Variants in FGF12 observed in about 807,000 individuals in gnomAD.
FGF12 encodes the protein fibroblast growth factor 12B.
A neutral mutation model predicts 23.6 loss-of-function variants in FGF12; 14 were observed. The observed-to-expected ratio is 0.59, with a 90% CI of 0.39 to 0.93. The LOEUF is 0.93. Ranked by LOEUF, FGF12 falls within the 40% of genes least tolerant of loss-of-function variation. The probability of loss-of-function intolerance (pLI) is 0.00; values close to 1 mark genes in which losing one functional copy is unlikely to be tolerated. For synonymous variants in FGF12, 62 were observed against 77.3 expected, an observed-to-expected ratio of 0.80 and a Z score of 1.04; for missense variants, 175 against 217.8, an observed-to-expected ratio of 0.80 and a Z score of 1.24.
chr3:192,154,097 T>A (rs1714205563), intron 5 of FGF12, among the ~76,000 whole-genome samples: 1 of 118,022 alleles, frequency 8.5e-6, no homozygotes, highest in African/African-American at 3.2e-5. Context: ...TTCTTCCAGT[T>A]GATCGCATCG....
chr3:192,462,536 C>G (rs1241280461), intron 2 of FGF12, among the ~76,000 whole-genome samples: 1 of 152,110 alleles, frequency 6.6e-6, no homozygotes. Flanking sequence ...TTTTGGACTT[C>G]TCAATCTCCA....
chr3:192,348,499 G>A (rs1020603996), intron 3 of FGF12, among the ~76,000 whole-genome samples: 3 of 151,966 alleles, frequency 2.0e-5, no homozygotes, highest in African/African-American at 7.3e-5. Flanking sequence ...TTTTAAATAC[G>A]TCAAACACAT....
At chr3:192,331,968 C>T (rs1054311089) in intron 4 of FGF12, among the ~76,000 whole-genome samples, 20 of 152,028 alleles carry the variant, frequency 1.3e-4, no homozygotes, top group African/African-American at 4.6e-4. Context: ...AGCAAGTTCA[C>T]CATCCGCACA....
chr3:192,419,545 G>A (rs1721457259), intron 2 of FGF12, among the ~76,000 whole-genome samples: 1 of 152,128 alleles, frequency 6.6e-6, no homozygotes, highest in Non-Finnish European at 1.5e-5. Context: ...CTCAAGATCA[G>A]GAGCAATACC....
rs1711972426 is a variant in FGF12 at position 192,251,032 on chromosome 3, T to C, written c.229-80376A>G. Among the ~76,000 whole-genome samples, 3 of 152,160 alleles carry C rather than the reference T, an allele frequency of 2.0e-5. No homozygotes were observed. In the South Asian group the frequency reaches 6.2e-4, roughly 32 times the overall value. ...CAAAATATACCATTGCCTATGATTG[T>C]GGGTTTTGGATAAGAAAAACTTACA... is the stretch of plus-strand genomic sequence containing the variant. On this transcript the variant is annotated intron_variant, in intron 4 of 5. Coordinates refer to ENST00000445105, the MANE Select transcript of FGF12 (RefSeq NM_004113.6).
intron 2 of FGF12, among the ~76,000 whole-genome samples, chr3:192,565,906 G>A (rs961432651): frequency 1.3e-5 from 2 of 152,130 alleles, no homozygotes; most frequent in Non-Finnish European, 2.9e-5. Flanking sequence ...GATCAACATG[G>A]AGAAACACTG....
At chr3:192,560,606 G>A (rs1711979853) in intron 2 of FGF12, among the ~76,000 whole-genome samples, 1 of 151,908 alleles carries the variant, frequency 6.6e-6, no homozygotes, top group Non-Finnish European at 1.5e-5. Context: ...TGAAAAGCGT[G>A]AATTAAAAAT....
intron 2 of FGF12, among the ~76,000 whole-genome samples, chr3:192,505,046 G>A (rs1176131847): frequency 1.3e-5 from 2 of 152,070 alleles, no homozygotes; most frequent in Non-Finnish European, 2.9e-5. Context: ...AATATCAAAT[G>A]GCATTGAGTA....
At chr3:192,399,628 G>A (rs1010573391) in intron 2 of FGF12, among the ~76,000 whole-genome samples, 27 of 152,150 alleles carry the variant, frequency 1.8e-4, no homozygotes, top group African/African-American at 6.5e-4. Flanking sequence ...AAAGGAATTG[G>A]AACAGGTTGG....
In FGF12 at chr3:192,641,175, G is replaced by C. The variant is rs1207723940; in HGVS notation, c.13+86006C>G. Among the ~76,000 whole-genome samples, 3 of 77,800 alleles carry C rather than the reference G, an allele frequency of 3.9e-5. 1 individual carries two copies. Among genetic ancestry groups the C allele is most frequent in the African/African-American group, 1.4e-4 (3 of 21,344 alleles). 51.0% of individuals were successfully genotyped at this position (77,800 alleles called of 152,430 possible). ...GGCTGGAGTGCAGTGGCGGGATCTCGGCTCACTGCAAGCTCCGCCTCCCGG... is the reference window on the plus strand; with the variant it reads ...GGCTGGAGTGCAGTGGCGGGATCTCCGCTCACTGCAAGCTCCGCCTCCCGG... On this transcript the variant is annotated intron_variant, in intron 2 of 5. Coordinates refer to ENST00000445105, the MANE Select transcript of FGF12 (RefSeq NM_004113.6).
chr3:192,265,398 C>G (rs1449568579), intron 4 of FGF12: 2 of 152,014 alleles, frequency 1.3e-5, no homozygotes, highest in African/African-American at 4.8e-5. Context: ...TTGTGTGATG[C>G]GATGGCCTCA....
At chr3:192,520,359 A>C (rs1173285231) in intron 2 of FGF12, among the ~76,000 whole-genome samples, 4 of 152,168 alleles carry the variant, frequency 2.6e-5, no homozygotes, top group African/African-American at 9.7e-5. Flanking sequence ...CGTTATTTAT[A>C]ATATATTCAC....
intron 2 of FGF12, among the ~76,000 whole-genome samples, chr3:192,395,340 A>T (rs1220989610): frequency 6.6e-6 from 1 of 152,254 alleles, no homozygotes; most frequent in Admixed American, 6.5e-5. Context: ...ATAAGTAAAG[A>T]CATGAAGTTC....
intron 4 of FGF12, among the ~76,000 whole-genome samples, chr3:192,264,883 C>T (rs9857532): frequency 0.3 from 46,095 of 151,954 alleles, 7,700 homozygotes; most frequent in East Asian, 0.66. Context: ...AAGTGCTTTG[C>T]CTCTGTCTCT....
rs776657441 is a variant in FGF12, at chr3:192,390,700, T to C, written c.14-30162A>G. 7.9e-5 allele frequency among the ~76,000 whole-genome samples: 12 copies of C among 152,262 alleles called. No individual in the cohort carries two copies. In the South Asian group the frequency reaches 1.0e-3, roughly 13 times the overall value. On this transcript the variant is annotated intron_variant, in intron 2 of 5. Transcript: ENST00000445105. ...AAGTCCTCAGTTAGTACCTGATGAATAAACAATAGAGTAAAACGTTACAGA... is the reference window on the plus strand; with the variant it reads ...AAGTCCTCAGTTAGTACCTGATGAACAAACAATAGAGTAAAACGTTACAGA...
At chr3:192,237,840 A>G (rs991765907) in intron 4 of FGF12, among the ~76,000 whole-genome samples, 1 of 152,170 alleles carries the variant, frequency 6.6e-6, no homozygotes, top group African/African-American at 2.4e-5. Context: ...CAGCAATTTC[A>G]TTCTGGTTAA....
chr3:192,554,791 G>GAA (rs34936489), intron 2 of FGF12, among the ~76,000 whole-genome samples: 3,843 of 148,194 alleles, frequency 0.026, 65 homozygotes, highest in Non-Finnish European at 0.037. Context: ...ATGAGCTAAG[G>GAA]AAAAAAAAAA....
At chr3:192,678,470 T>C (rs763439989) in intron 2 of FGF12, among the ~76,000 whole-genome samples, 33 of 152,238 alleles carry the variant, frequency 2.2e-4, no homozygotes, top group Non-Finnish European at 4.0e-4. Flanking sequence ...CTGCATTTAA[T>C]GACTGTTGTT....
chr3:192,371,306 T>C (rs1318032969), intron 2 of FGF12, among the ~76,000 whole-genome samples: 1 of 152,240 alleles, frequency 6.6e-6, no homozygotes, highest in African/African-American at 2.4e-5. Flanking sequence ...TTCCAATCCC[T>C]GGAGTCAGAG....
Sources: allele counts gnomAD v4.1 joint callset (sites outside exome capture counted in the v4.1 genomes callset), GRCh38; gene constraint gnomAD v4.1.1; transcripts MANE v1.5; gene names NCBI Gene and HGNC (gene_info 2026-07-23, HGNC 2026-07-21).